Variants in LAMA4 observed in about 807,000 individuals in gnomAD.
LAMA4 encodes the protein laminin subunit alpha 4.
LAMA4 carries 127 observed loss-of-function variants against 207.1 expected under a neutral mutation model. The observed-to-expected ratio is 0.61, with a 90% CI of 0.53 to 0.71. LAMA4 has a LOEUF of 0.71. LAMA4 is among the 30% of genes least tolerant of loss of function. The pLI, the probability that LAMA4 is intolerant of heterozygous loss-of-function variation, is 0.00. For missense variants in LAMA4, 2,093 were observed against 2,246.5 expected (o/e 0.93, Z 1.38); for synonymous variants, 761 against 816.0 (o/e 0.93, Z 1.15).
rs781995760 is a variant in LAMA4, at chr6:112,115,940, T to C, written c.5035A>G (p.Arg1679Gly). The C allele has an allele frequency of 2.6e-5, 42 of 1,613,406 alleles. No homozygotes were observed. The highest frequency in any genetic ancestry group is 3.3e-5 in the South Asian group (3 of 91,084). ...TGGACCAGGGTTCCGGAACTGCTTC[T>C]GGGACGGACTTCAAATGCAATTTCA... ...KFEIAFEVRPRSSSGTLVHGH... is the reference protein window; with the variant it reads ...KFEIAFEVRPGSSSGTLVHGH... The change falls in exon 36 of 39, where the codon AGA becomes GGA. Residue 1679 changes from arginine to glycine, a missense_variant. By Grantham distance (125) the Arg-to-Gly change is moderately radical. Around this residue, in one of 3 missense-constraint regions of LAMA4, gnomAD observed 383 missense variants for 437.8 expected, o/e 0.87. Coordinates refer to ENST00000230538, the MANE Select transcript of LAMA4 (RefSeq NM_001105206.3).
At chr6:112,211,732 C>T (rs984610228) in intron 3 of LAMA4, among the ~76,000 whole-genome samples, 11 of 152,152 alleles carry the variant, frequency 7.2e-5, no homozygotes, top group Non-Finnish European at 1.3e-4. Context: ...CAAGAAATCT[C>T]AGGTAGAAAA....
chr6:112,157,551 G>A (rs1554337291), intron 14 of LAMA4, among the ~76,000 whole-genome samples: 4 of 152,216 alleles, frequency 2.6e-5, no homozygotes, highest in African/African-American at 4.8e-5. Flanking sequence ...GGACTTGAGG[G>A]TGATTGATAT....
intron 13 of LAMA4, chr6:112,162,080 C>T (rs1459466845): frequency 9.2e-5 from 14 of 152,222 alleles, no homozygotes; most frequent in Admixed American, 9.2e-4. Flanking sequence ...AGAGTGGAGA[C>T]AGTTGGATCA....
At chr6:112,157,882 T>C (rs1024354078) in intron 14 of LAMA4, 2 of 152,266 alleles carry the variant, frequency 1.3e-5, no homozygotes, top group South Asian at 2.1e-4. Flanking sequence ...CAAGATTTTA[T>C]ATGACCTCTC....
chr6:112,212,273 G>T (rs1784393133), intron 3 of LAMA4, among the ~76,000 whole-genome samples: 1 of 150,288 alleles, frequency 6.7e-6, no homozygotes, highest in Non-Finnish European at 1.5e-5. Context: ...GCCCAGGCTA[G>T]AATGCGGTGG....
intron 2 of LAMA4, among the ~76,000 whole-genome samples, chr6:112,224,311 C>T (rs377533810): frequency 6.6e-5 from 10 of 152,148 alleles, no homozygotes; most frequent in African/African-American, 2.4e-4. Context: ...TATATCCCTC[C>T]CTTGGGTATA....
intron 3 of LAMA4, among the ~76,000 whole-genome samples, chr6:112,208,791 C>T (rs532649716): frequency 6.6e-6 from 1 of 152,300 alleles, no homozygotes. Context: ...GGCATTTGAT[C>T]AGCCATTAGG....
chr6:112,167,856 A>T (rs1781471847), intron 12 of LAMA4, among the ~76,000 whole-genome samples: 1 of 141,372 alleles, frequency 7.1e-6, no homozygotes, highest in Non-Finnish European at 1.6e-5. Flanking sequence ...ACACACACAC[A>T]CACACACACA....
At chr6:112,137,480 G>A (rs1779422844) in intron 24 of LAMA4, among the ~76,000 whole-genome samples, 1 of 152,162 alleles carries the variant, frequency 6.6e-6, no homozygotes, top group Non-Finnish European at 1.5e-5. Flanking sequence ...TTGACTCTGG[G>A]CCTTCATTTT....
intron 2 of LAMA4, among the ~76,000 whole-genome samples, chr6:112,232,341 T>C (rs148565537): frequency 5.3e-4 from 80 of 152,324 alleles, no homozygotes; most frequent in African/African-American, 1.9e-3. Flanking sequence ...CATAAGCTAC[T>C]TCTATTCCTT....
intron 7 of LAMA4, among the ~76,000 whole-genome samples, chr6:112,187,920 G>C (rs1024925475): frequency 6.6e-6 from 1 of 152,126 alleles, no homozygotes; most frequent in South Asian, 2.1e-4. Flanking sequence ...CTTCAGCACC[G>C]GGAGGTCTGA....
Position 112,118,178 on chromosome 6 carries a change from C to G in LAMA4, c.4822-280G>C, listed in dbSNP as rs1245340808. ...AGTTGCAGCTGTGGTTTTCAAACTGCATATTTAGAAGTATCCTAGTTTTCC... is the reference window on the plus strand; with the variant it reads ...AGTTGCAGCTGTGGTTTTCAAACTGGATATTTAGAAGTATCCTAGTTTTCC... On this transcript the variant is annotated intron_variant, in intron 34 of 38. Transcript: ENST00000230538. The surrounding 1 kb of genome is among the most constrained non-coding windows in gnomAD (Gnocchi z 4.6). 2.0e-5 allele frequency among the ~76,000 whole-genome samples: 3 copies of G among 152,158 alleles called. No homozygotes were observed. The highest frequency in any genetic ancestry group is 4.4e-5 in the Non-Finnish European group (3 of 68,034).
chr6:112,162,399 G>A (rs1463902028), intron 13 of LAMA4, among the ~76,000 whole-genome samples: 1 of 152,078 alleles, frequency 6.6e-6, no homozygotes, highest in Non-Finnish European at 1.5e-5. Context: ...TTGAACCCAG[G>A]AGGCAGAGGT....
intron 15 of LAMA4, 38 bp downstream of exon 15, chr6:112,155,527 G>A: frequency 1.2e-6 from 2 of 1,612,294 alleles, no homozygotes; most frequent in African/African-American, 1.3e-5. Context: ...AAGCCAGTGG[G>A]AAAGGCAAGG....
chr6:112,157,001 G>A (rs1424278807), intron 14 of LAMA4, among the ~76,000 whole-genome samples: 1 of 151,932 alleles, frequency 6.6e-6, no homozygotes, highest in African/African-American at 2.4e-5. Context: ...ATGCAGACAT[G>A]AAATAAAGGT....
chr6:112,248,946 G>A (rs1554189174), intron 2 of LAMA4, among the ~76,000 whole-genome samples: 4 of 152,176 alleles, frequency 2.6e-5, no homozygotes, highest in Non-Finnish European at 5.9e-5. Context: ...TCACTATTTA[G>A]TATTAAGACA....
chr6:112,253,690 T>C, intron 2 of LAMA4: 1 of 1,542,250 alleles, frequency 6.5e-7, no homozygotes, highest in South Asian at 1.1e-5. Context: ...GGTGAGAGTC[T>C]AGCGGATGAA....
intron 13 of LAMA4, among the ~76,000 whole-genome samples, chr6:112,161,567 G>A (rs1554338390): frequency 6.6e-6 from 1 of 152,112 alleles, no homozygotes; most frequent in African/African-American, 2.4e-5. Flanking sequence ...CTCTTCTGGG[G>A]GTAGAATACC....
rs576422943 is a variant in LAMA4, at chr6:112,142,305, A to G, written c.2494-13T>C. 8.7e-6 allele frequency: 14 copies of G among 1,613,906 alleles called. No individual in the cohort carries two copies. The highest frequency in any genetic ancestry group is 2.2e-5 in the South Asian group (2 of 91,072). On this transcript the variant is annotated splice_polypyrimidine_tract_variant and intron_variant, in intron 19 of 38. Transcript: ENST00000230538. The stretch of plus-strand genomic sequence containing the variant: ...TGGAGACTTGGATCTGGAGTGACAC[A>G]ACGGTTTCATTAAAAGTGCTTTGCA...
Sources: allele counts gnomAD v4.1 joint callset (sites outside exome capture counted in the v4.1 genomes callset), GRCh38; gene constraint gnomAD v4.1.1; regional missense constraint gnomAD v4.1.1; non-coding constraint Gnocchi (gnomAD v3.1); transcripts MANE v1.5; gene names NCBI Gene and HGNC (gene_info 2026-07-23, HGNC 2026-07-21).